Variants in NKIRAS1 observed in about 807,000 individuals in gnomAD.
The protein encoded by NKIRAS1 is NF-kappa-B inhibitor-interacting Ras-like protein 1.
Under a neutral mutation model 19.8 loss-of-function variants are expected in NKIRAS1, and 16 were observed. That is an observed-to-expected ratio of 0.81 (90% CI 0.55 to 1.23). The LOEUF (loss-of-function observed/expected upper bound fraction) is 1.23, where lower values mean the gene tolerates loss of function less well. Among genes scored for constraint, NKIRAS1 ranks in the 50% most tolerant of loss-of-function variants. The pLI is 0.00. For synonymous variants in NKIRAS1, 88 were observed against 79.0 expected, an observed-to-expected ratio of 1.11 and a Z score of -0.61; for missense variants, 184 against 220.0, an observed-to-expected ratio of 0.84 and a Z score of 1.04.
chr3:23,917,746 T>C, upstream of NKIRAS1: 1 of 1,185,178 alleles, frequency 8.4e-7, no homozygotes, highest in East Asian at 2.5e-5. Context: ...CCATTTTCAT[T>C]CCCGGCGGTT....
intron 1 of NKIRAS1, chr3:23,945,426 C>G: frequency 8.5e-6 from 2 of 234,466 alleles, no homozygotes; most frequent in Non-Finnish European, 1.5e-5. Flanking sequence ...CGCTGCACGG[C>G]CTGGGGCCCG....
At chr3:23,942,837 C>T (rs1029189600) in intron 1 of NKIRAS1, among the ~76,000 whole-genome samples, 1 of 152,174 alleles carries the variant, frequency 6.6e-6, no homozygotes, top group African/African-American at 2.4e-5. Context: ...CAGCCTCAAC[C>T]TCCCAGATCA....
At chr3:23,903,520 A>C (rs904714464) in intron 3 of NKIRAS1, among the ~76,000 whole-genome samples, 3 of 148,098 alleles carry the variant, frequency 2.0e-5, no homozygotes, top group African/African-American at 8.0e-5. Flanking sequence ...AACTATACAA[A>C]GAAAAGAAAA....
At chr3:23,923,658 A>G (rs148392253) in intron 1 of NKIRAS1, 1 of 152,258 alleles carries the variant, frequency 6.6e-6, no homozygotes, top group African/African-American at 2.4e-5. Flanking sequence ...GTGTGCATAC[A>G]TCTTTATTCA....
chr3:23,907,295 TTTATG>T (rs1461015480), intron 3 of NKIRAS1, among the ~76,000 whole-genome samples: 1 of 152,102 alleles, frequency 6.6e-6, no homozygotes, highest in African/African-American at 2.4e-5. Flanking sequence ...CAATTAACTG[TTTATG>T]TTATCAGGTT....
chr3:23,919,801 G>C, upstream of NKIRAS1: 2 of 1,077,774 alleles, frequency 1.9e-6, no homozygotes, highest in Non-Finnish European at 2.2e-6. Context: ...ACTGAAACTA[G>C]CCCTGTAGAT....
upstream of NKIRAS1, chr3:23,919,606 G>C (rs1704957795): frequency 1.2e-5 from 17 of 1,422,646 alleles, no homozygotes; most frequent in South Asian, 2.7e-4. Flanking sequence ...GATGTTTCTT[G>C]AATGCTTTGT....
chr3:23,904,302 G>T (rs1248724208), intron 3 of NKIRAS1, among the ~76,000 whole-genome samples: 1 of 152,134 alleles, frequency 6.6e-6, no homozygotes, highest in East Asian at 1.9e-4. Context: ...CTGGAGGCTG[G>T]GAAGTCCAAG....
chr3:23,942,621 G>T (rs968424906), intron 1 of NKIRAS1, among the ~76,000 whole-genome samples: 3 of 152,036 alleles, frequency 2.0e-5, no homozygotes, highest in African/African-American at 7.2e-5. Context: ...AGTAGAGACG[G>T]GGTTTCTCCA....
upstream of NKIRAS1, chr3:23,918,754 G>C: frequency 1.4e-6 from 1 of 740,224 alleles, no homozygotes; most frequent in South Asian, 1.9e-5. Context: ...TGTTACAAAT[G>C]CGTGTGTATA....
At chr3:23,930,979 C>A (rs1705306484) in intron 1 of NKIRAS1, among the ~76,000 whole-genome samples, 1 of 151,474 alleles carries the variant, frequency 6.6e-6, no homozygotes, top group Admixed American at 6.6e-5. Flanking sequence ...CCACAGCCAG[C>A]CAAAATAAAG....
At chr3:23,894,575 C>T (rs974350051) in intron 4 of NKIRAS1, among the ~76,000 whole-genome samples, 1 of 151,954 alleles carries the variant, frequency 6.6e-6, no homozygotes, top group South Asian at 2.1e-4. Context: ...TGCAGAAACT[C>T]GTTCACTTTA....
chr3:23,909,301 C>A (rs531032430), intron 3 of NKIRAS1, among the ~76,000 whole-genome samples: 108 of 152,246 alleles, frequency 7.1e-4, no homozygotes, highest in Non-Finnish European at 1.3e-4. Flanking sequence ...GCGGGGGGAT[C>A]ACTTGAGGTC....
At chr3:23,907,145 C>T (rs1393755769) in intron 3 of NKIRAS1, among the ~76,000 whole-genome samples, 8 of 152,334 alleles carry the variant, frequency 5.3e-5, no homozygotes, top group African/African-American at 1.4e-4. Context: ...CCGCCTGCCT[C>T]GGCCTCCCAA....
chr3:23,914,780 T>G (rs1377591076), intron 1 of NKIRAS1, among the ~76,000 whole-genome samples: 2 of 152,226 alleles, frequency 1.3e-5, no homozygotes, highest in African/African-American at 4.8e-5. Context: ...ACTGCAAATG[T>G]GATTGATAAA....
At chr3:23,920,855 T>C, upstream of NKIRAS1, 1 of 873,600 alleles carries the variant, frequency 1.1e-6, no homozygotes, top group Non-Finnish European at 1.4e-6. Context: ...AAATGGACCT[T>C]CTGTTATTTT....
At chr3:23,912,974 G>T (rs1559507622) in intron 1 of NKIRAS1, among the ~76,000 whole-genome samples, 1 of 150,294 alleles carries the variant, frequency 6.7e-6, no homozygotes, top group African/African-American at 2.5e-5. Flanking sequence ...AAATTAGGTG[G>T]GGCTTGCAGT....
intron 1 of NKIRAS1, chr3:23,945,735 G>C: frequency 1.7e-6 from 1 of 580,038 alleles, no homozygotes; most frequent in Non-Finnish European, 2.4e-6. Flanking sequence ...GTCCGCCTCT[G>C]GCTCGGTTCC....
chr3:23,933,951 CT>C (rs1705355384), intron 1 of NKIRAS1, among the ~76,000 whole-genome samples: 1 of 152,170 alleles, frequency 6.6e-6, no homozygotes, highest in South Asian at 2.1e-4. Context: ...GCTTCAACAT[CT>C]TTTACAATGT....
Sources: allele counts gnomAD v4.1 joint callset (sites outside exome capture counted in the v4.1 genomes callset), GRCh38; gene constraint gnomAD v4.1.1; transcripts MANE v1.5; gene names NCBI Gene and HGNC (gene_info 2026-07-23, HGNC 2026-07-21).